Variants in MSR1 observed in about 807,000 individuals in gnomAD.
The protein encoded by MSR1 is macrophage scavenger receptor types I and II.
Under a neutral mutation model 47.2 loss-of-function variants are expected in MSR1, and 53 were observed. The observed-to-expected ratio is 1.12, with a 90% confidence interval of 0.90 to 1.41. The LOEUF is 1.41. Ranked by LOEUF, MSR1 falls within the 40% of genes most tolerant of loss-of-function variation. The pLI is 0.00. For synonymous variants in MSR1, 239 were observed against 185.6 expected (o/e 1.29, Z -2.34); for missense variants, 786 against 546.9 (o/e 1.44, Z -4.36).
rs201372758 is a variant in MSR1 at position 16,144,976 on chromosome 8, A to G, written c.980-1365T>C. Among the ~76,000 whole-genome samples the G allele has an allele frequency of 8.9e-5, 13 of 145,696 alleles. No individual in the cohort carries two copies. The South Asian group carries it at 2.6e-3, about 30-fold the overall frequency. ...TGTGTCATTATGTATTTCTTAGAGAAGATTTTGGATCCTAATTTACCAGCT... is the reference window on the plus strand; with the variant it reads ...TGTGTCATTATGTATTTCTTAGAGAGGATTTTGGATCCTAATTTACCAGCT... On this transcript the variant is annotated intron_variant, in intron 7 of 9. Transcript: ENST00000262101.
At chr8:16,191,956 T>C (rs1802211291) in intron 1 of MSR1, among the ~76,000 whole-genome samples, 1 of 152,190 alleles carries the variant, frequency 6.6e-6, no homozygotes, top group East Asian at 1.9e-4. Context: ...CTATAGCATT[T>C]TCATACTACT....
chr8:16,140,090 A>AATTAATGG, intron 8 of MSR1: 1 of 978,398 alleles, frequency 1.0e-6, no homozygotes, highest in Non-Finnish European at 1.2e-6. Context: ...TGAATTAATG[A>AATTAATGG]TTGAATGAAT....
intron 4 of MSR1, among the ~76,000 whole-genome samples, chr8:16,166,885 T>C (rs1159730364): frequency 1.3e-5 from 2 of 151,824 alleles, no homozygotes; most frequent in Non-Finnish European, 2.9e-5. Flanking sequence ...ATAAAATTAT[T>C]CAAGCAATGG....
intron 8 of MSR1, among the ~76,000 whole-genome samples, chr8:16,122,209 G>C (rs936278436): frequency 1.3e-5 from 2 of 151,944 alleles, no homozygotes; most frequent in Admixed American, 6.6e-5. Context: ...AAAATAATTT[G>C]TTATTATAGT....
intron 8 of MSR1, chr8:16,139,494 G>A: frequency 1.0e-6 from 1 of 984,196 alleles, no homozygotes; most frequent in African/African-American, 1.7e-5. Context: ...AATCTTAATA[G>A]TATGAATCTT....
chr8:16,140,189 T>A (rs1800516312), intron 8 of MSR1: 7 of 985,054 alleles, frequency 7.1e-6, no homozygotes, highest in Non-Finnish European at 8.4e-6. Flanking sequence ...ATGACAGTTC[T>A]CCTAGAACCC....
intron 8 of MSR1, chr8:16,140,686 G>A: frequency 7.6e-7 from 1 of 1,311,586 alleles, no homozygotes; most frequent in African/African-American, 1.5e-5. Flanking sequence ...GTCAATGGGT[G>A]GCAGAGAACT....
At chr8:16,146,194 T>C (rs1286502282) in intron 7 of MSR1, among the ~76,000 whole-genome samples, 2 of 152,094 alleles carry the variant, frequency 1.3e-5, no homozygotes, top group African/African-American at 4.8e-5. Flanking sequence ...TACTTTCAAA[T>C]GTGATCATCC....
chr8:16,116,322 A>G (rs1490815800), intron 9 of MSR1, among the ~76,000 whole-genome samples: 2 of 152,206 alleles, frequency 1.3e-5, no homozygotes, highest in Non-Finnish European at 2.9e-5. Context: ...TTAAACTTGC[A>G]ATTTTTTAAG....
At chr8:16,158,292 A>C (rs2117153548) in intron 5 of MSR1, among the ~76,000 whole-genome samples, 1 of 152,134 alleles carries the variant, frequency 6.6e-6, no homozygotes, top group African/African-American at 2.4e-5. Flanking sequence ...AAAATCTACT[A>C]TGTAGCTTCC....
intron 7 of MSR1, among the ~76,000 whole-genome samples, chr8:16,145,281 C>T (rs1411777278): frequency 1.3e-5 from 2 of 152,012 alleles, no homozygotes; most frequent in South Asian, 4.1e-4. Flanking sequence ...CACCCAAAAC[C>T]TTTCCTATAT....
At chr8:16,179,817 C>A (rs1006314595) in intron 1 of MSR1, among the ~76,000 whole-genome samples, 101 of 132,456 alleles carry the variant, frequency 7.6e-4, no homozygotes, top group African/African-American at 2.9e-3. Context: ...ACAGAACTTG[C>A]AGTGAGCCGA....
rs867536360 is a variant in MSR1, at chr8:16,147,126, C to T, written c.979+3105G>A. 5.9e-5 allele frequency among the ~76,000 whole-genome samples: 9 copies of T among 152,092 alleles called. 1 individual carries two copies. The highest frequency in any genetic ancestry group is 2.1e-4 in the South Asian group (1 of 4,826). On this transcript the variant is annotated intron_variant, in intron 7 of 9. Coordinates refer to ENST00000262101, the MANE Select transcript of MSR1 (RefSeq NM_138715.3). ...GAACAAGGTAGAACAGAACCTTCTA[C>T]GGATTTTGAAGACGGGCAAGGTTTC...
chr8:16,162,523 G>C (rs550142591), intron 5 of MSR1, among the ~76,000 whole-genome samples: 1 of 152,132 alleles, frequency 6.6e-6, no homozygotes, highest in Admixed American at 6.6e-5. Flanking sequence ...ATCTGAGCCA[G>C]TGGTGCAGGG....
intron 1 of MSR1, among the ~76,000 whole-genome samples, chr8:16,184,927 A>G (rs969850886): frequency 1.3e-5 from 2 of 152,010 alleles, no homozygotes; most frequent in African/African-American, 4.8e-5. Context: ...GTACATGTCT[A>G]TGAGTGATTT....
intron 8 of MSR1, chr8:16,140,228 G>C (rs1323220869): frequency 1.0e-6 from 1 of 984,686 alleles, no homozygotes; most frequent in African/African-American, 1.8e-5. Flanking sequence ...CTAGACTCTA[G>C]GTGAATGCGT....
At chr8:16,146,878 G>C (rs1309947360) in intron 7 of MSR1, among the ~76,000 whole-genome samples, 2 of 152,080 alleles carry the variant, frequency 1.3e-5, no homozygotes, top group African/African-American at 2.4e-5. Context: ...CGAAACTTCA[G>C]ACTCATGTGT....
At chr8:16,153,245 CTT>C (rs1340845305) in intron 6 of MSR1, among the ~76,000 whole-genome samples, 2 of 151,980 alleles carry the variant, frequency 1.3e-5, no homozygotes, top group African/African-American at 4.8e-5. Context: ...ATCATATACT[CTT>C]TGCTTCCTGA....
At chr8:16,114,453 C>G (rs1320328501) in intron 9 of MSR1, among the ~76,000 whole-genome samples, 1 of 152,094 alleles carries the variant, frequency 6.6e-6, no homozygotes, top group Non-Finnish European at 1.5e-5. Flanking sequence ...CATACAGGCT[C>G]AGATATACCT....
Sources: gnomAD v4.1 joint callset for allele counts (sites outside exome capture counted in the v4.1 genomes callset) on GRCh38, gnomAD v4.1.1 for gene constraint, MANE v1.5 for transcripts, NCBI Gene and HGNC (gene_info 2026-07-23, HGNC 2026-07-21) for gene names.